Variants in KIF26A observed in about 807,000 individuals in gnomAD.
The protein encoded by KIF26A is kinesin family member 26A.
Under a neutral mutation model 126.0 loss-of-function variants are expected in KIF26A, and 74 were observed. The observed-to-expected ratio is 0.59, with a 90% CI of 0.49 to 0.71. KIF26A has a LOEUF of 0.71. Among genes scored for constraint, KIF26A ranks in the 30% least tolerant of loss-of-function variants. KIF26A has a pLI of 0.00. For missense variants in KIF26A, 2,984 were observed against 2,763.3 expected (o/e 1.08, Z -1.79); for synonymous variants, 1,445 against 1,232.7 (o/e 1.17, Z -3.61).
In KIF26A at chr14:104,171,840, G is replaced by T; in HGVS notation, c.1231G>T (p.Gly411Cys). The change falls in exon 6 of 15, where the codon GGT becomes TGT. Residue 411 changes from glycine (G) to cysteine (C), a missense_variant. By Grantham distance (159) the Gly-to-Cys change is radical. Transcript: ENST00000423312. ...GGTGATCCTCTACGATCCCGCCGCC[G>T]GTCCCCCAGGCAGCGCAGGCCCCCG... ...KQVILYDPAA[G>C]PPGSAGPRRA... is the part of the protein sequence containing the mutation. The T allele has an allele frequency of 6.4e-7, 1 of 1,556,392 alleles. No individual in the cohort carries two copies. Among genetic ancestry groups the T allele is most frequent in the African/African-American group, 1.4e-5 (1 of 73,384 alleles).
Position 104,152,366 on chromosome 14 carries a change from G to A in KIF26A, c.640G>A (p.Gly214Arg). ...GTCTGTAGCACCTGCGGGTCTTGGA[G>A]GGGCGCTGAGCACGGTCACCATCCA... ...QVSVAPAGLG[G>R]ALSTVTIQAQ... The change falls in exon 3 of 15, where the codon GGG becomes AGG. Residue 214 changes from glycine to arginine, a missense_variant. By Grantham distance (125) the Gly-to-Arg change is moderately radical. Coordinates refer to ENST00000423312, the MANE Select transcript of KIF26A (RefSeq NM_015656.2). The surrounding 1 kb of genome is among the most constrained non-coding windows in gnomAD (Gnocchi z 5.9). The A allele has an allele frequency of 6.3e-7, 1 of 1,591,252 alleles. No homozygotes were observed. Among genetic ancestry groups the A allele is most frequent in the Non-Finnish European group, 8.5e-7 (1 of 1,170,456 alleles).
In KIF26A at chr14:104,174,318, C is replaced by T; in HGVS notation, c.2193+8C>T. ...CGCAGGAAGAAGGCCAAGGTGCTCC[C>T]CACCTCCTGCCCGCCCCATCTCGGG... is the stretch of plus-strand genomic sequence containing the variant. On this transcript the variant is annotated splice_region_variant and intron_variant, in intron 11 of 14. Transcript: ENST00000423312. The T allele has an allele frequency of 2.0e-6, 3 of 1,521,298 alleles. No homozygotes were observed. The highest frequency in any genetic ancestry group is 2.0e-5 in the Admixed American group (1 of 49,406). The allele number at this position is 1,521,298 out of a possible 1,614,324, so 94.2% of individuals were successfully genotyped here. A position where few individuals can be genotyped will look rare whatever the true frequency, so the allele number is the denominator to read the frequency against.
At chr14:104,174,716 G>A (rs750331729) in intron 11 of KIF26A, among the ~76,000 whole-genome samples, 5 of 152,176 alleles carry the variant, frequency 3.3e-5, no homozygotes, top group Non-Finnish European at 7.4e-5. Flanking sequence ...CACTGGCCTG[G>A]GCACACATGC....
At chr14:104,172,929 G>C (rs748225218) in intron 7 of KIF26A, 48 bp from the exon 8 acceptor site, 9 of 1,517,974 alleles carry the variant, frequency 5.9e-6, no homozygotes, top group African/African-American at 1.4e-5. Context: ...AGCCATAAAG[G>C]CTCCTTGCGT....
intron 4 of KIF26A, among the ~76,000 whole-genome samples, 156 bp downstream of exon 4, chr14:104,158,098 C>T (rs908312138): frequency 6.6e-6 from 1 of 152,210 alleles, no homozygotes; most frequent in Admixed American, 6.5e-5. Flanking sequence ...GCTGCTGAGC[C>T]GCTCACAGCC....
rs1157138010 is a variant in KIF26A, at chr14:104,154,491, C to T, written c.735+2030C>T. On this transcript the variant is annotated intron_variant, in intron 3 of 14. Transcript: ENST00000423312. ...TCCAGAGACTCCTGGGCTATGGAGC[C>T]GCCGGGCAGGGCTGTCCAGCGGTTC... Among the ~76,000 whole-genome samples, 4 of 152,178 alleles carry T rather than the reference C, an allele frequency of 2.6e-5. No individual in the cohort carries two copies. The East Asian group carries it at 7.7e-4, about 29-fold the overall frequency.
chr14:104,157,626 G>A, intron 3 of KIF26A, 129 bp from the exon 4 acceptor site: 1 of 1,015,548 alleles, frequency 9.8e-7, no homozygotes, highest in Non-Finnish European at 1.4e-6. Context: ...CTGGGCCCTG[G>A]GGGTGCAGAG....
intron 2 of KIF26A, among the ~76,000 whole-genome samples, chr14:104,149,665 G>GTTGCCCCTGGCAGA (rs2037709273): frequency 6.6e-6 from 1 of 152,148 alleles, no homozygotes; most frequent in Non-Finnish European, 1.5e-5. Flanking sequence ...TTGCCCCTCT[G>GTTGCCCCTGGCAGA]CCTGGCCAGC....
rs1190632939 is a variant in KIF26A at position 104,178,922 on chromosome 14, C to T, written c.5316+167C>T. ...CCCAGGACGCAAAGGTAGGAGCGGC[C>T]CTGCCCAGCCCAAGCCTGTTGCAGC... On this transcript the variant is annotated intron_variant, in intron 13 of 14. Coordinates refer to ENST00000423312, the MANE Select transcript of KIF26A (RefSeq NM_015656.2). Among the ~76,000 whole-genome samples, 8 of 152,146 alleles carry T rather than the reference C, an allele frequency of 5.3e-5. No individual in the cohort carries two copies. The East Asian group carries it at 1.4e-3, about 26-fold the overall frequency.
chr14:104,176,111 C>T lies in KIF26A; in HGVS notation c.3323C>T (p.Ser1108Phe). The T allele has an allele frequency of 1.3e-6, 2 of 1,583,558 alleles. No homozygotes were observed. The highest frequency in any genetic ancestry group is 1.7e-6 in the Non-Finnish European group (2 of 1,165,736). Residue 1108 changes from serine to phenylalanine, a missense_variant, in exon 12 of 15, where the codon TCC becomes TTC. By Grantham distance (155) the Ser-to-Phe change is radical (BLOSUM62 -2). Transcript: ENST00000423312. Reference protein sequence around the residue: ...GAAWAGSSHGSSISSWLSEVS... With the variant: ...GAAWAGSSHGFSISSWLSEVS... ...GCCTGGGCCGGCAGCAGTCACGGCTCCTCCATCAGCTCCTGGCTCAGCGAG... is the reference window on the plus strand; with the variant it reads ...GCCTGGGCCGGCAGCAGTCACGGCTTCTCCATCAGCTCCTGGCTCAGCGAG...
intron 2 of KIF26A, among the ~76,000 whole-genome samples, chr14:104,142,423 C>T (rs4906420): frequency 0.014 from 1,826 of 130,844 alleles, 103 homozygotes; most frequent in Admixed American, 0.12. Flanking sequence ...TGGCCTGGAG[C>T]GGCCCCCTGT....
intron 4 of KIF26A, among the ~76,000 whole-genome samples, chr14:104,163,095 G>A (rs763571383): frequency 6.6e-5 from 10 of 152,232 alleles, no homozygotes; most frequent in Non-Finnish European, 1.3e-4. Flanking sequence ...CAAGGTCGTG[G>A]GGTGGGGGGT....
At chr14:104,168,900 G>A (rs1228237209) in intron 5 of KIF26A, among the ~76,000 whole-genome samples, 1 of 152,106 alleles carries the variant, frequency 6.6e-6, no homozygotes, top group East Asian at 1.9e-4. Context: ...ACTAGGCCGG[G>A]GGTCACTGCC....
At chr14:104,178,439 T>A in intron 12 of KIF26A, 111 bp from the exon 13 acceptor site, 5 of 794,520 alleles carry the variant, frequency 6.3e-6, no homozygotes, top group South Asian at 2.4e-5. Context: ...CTGGACTGGA[T>A]CCCGAAGGCC....
rs929397407 is a variant in KIF26A at position 104,174,292 on chromosome 14, G to C, written c.2175G>C (p.Leu725=). 3 of 1,552,050 alleles carry C rather than the reference G, an allele frequency of 1.9e-6. No individual in the cohort carries two copies. The highest frequency in any genetic ancestry group is 2.6e-6 in the Non-Finnish European group (3 of 1,148,802). ...TVQLAARIHR[L]RRKKAKYASS... is the part of the protein sequence containing the mutation. ...AGCTCGCCGCCCGCATCCACCGCCT[G>C]CGCAGGAAGAAGGCCAAGGTGCTCC... The change falls in exon 11 of 15, where the codon CTG becomes CTC. Residue 725 remains leucine, a synonymous_variant. Coordinates refer to ENST00000423312, the MANE Select transcript of KIF26A (RefSeq NM_015656.2).
rs747156964 is a variant in KIF26A at position 104,152,075 on chromosome 14, T to C, written c.349T>C (p.Cys117Arg). 2.9e-5 allele frequency: 46 copies of C among 1,612,608 alleles called. No homozygotes were observed. In the East Asian group the frequency reaches 1.0e-3, roughly 35 times the overall value. ...ACCAGCACCTGGGGCCCTGCCAGCCTGTCGCCCAGAGGCCGAGCGCCGCTG... is the reference window on the plus strand; with the variant it reads ...ACCAGCACCTGGGGCCCTGCCAGCCCGTCGCCCAGAGGCCGAGCGCCGCTG... ...KLPAPGALPA[C>R]RPEAERRCDV... Residue 117 changes from cysteine (C) to arginine (R), a missense_variant, in exon 3 of 15, where the codon TGT becomes CGT. Coordinates refer to ENST00000423312, the MANE Select transcript of KIF26A (RefSeq NM_015656.2). This position sits in a 1 kb window ranked among gnomAD's most constrained non-coding sequence, Gnocchi z 5.9.
intron 11 of KIF26A, among the ~76,000 whole-genome samples, chr14:104,174,666 G>A (rs1168419714): frequency 6.6e-6 from 1 of 152,168 alleles, no homozygotes; most frequent in Non-Finnish European, 1.5e-5. Context: ...TGGAGTTTGG[G>A]GCACTCTGGG....
At position 104,174,278 on chromosome 14, in the gene KIF26A, C is replaced by G. The variant is rs371784932; in HGVS notation, c.2161C>G (p.Arg721Gly). ...ETLSTVQLAA[R>G]IHRLRRKKAK... ...ACTCAGCACCGTGCAGCTCGCCGCC[C>G]GCATCCACCGCCTGCGCAGGAAGAA... The change falls in exon 11 of 15, where the codon CGC becomes GGC. Residue 721 changes from arginine (R) to glycine (G), a missense_variant. Coordinates refer to ENST00000423312, the MANE Select transcript of KIF26A (RefSeq NM_015656.2). The G allele has an allele frequency of 6.4e-7, 1 of 1,560,178 alleles. No homozygotes were observed. The highest frequency in any genetic ancestry group is 8.7e-7 in the Non-Finnish European group (1 of 1,153,448).
At chr14:104,153,435 C>T in intron 3 of KIF26A, among the ~76,000 whole-genome samples, 1 of 119,266 alleles carries the variant, frequency 8.4e-6, no homozygotes, top group Non-Finnish European at 1.9e-5. Flanking sequence ...GGAGAGGGAG[C>T]CCCACCCTTG....
Sources: gnomAD v4.1 joint callset for allele counts (sites outside exome capture counted in the v4.1 genomes callset) on GRCh38, gnomAD v4.1.1 for gene constraint, Gnocchi (gnomAD v3.1) non-coding constraint, MANE v1.5 for transcripts, NCBI Gene and HGNC (gene_info 2026-07-23, HGNC 2026-07-21) for gene names.